NAALADL2: variants seen among roughly 807,000 people sequenced by gnomAD.
The protein encoded by NAALADL2 is inactive N-acetylated-alpha-linked acidic dipeptidase-like protein 2.
A neutral mutation model predicts 87.2 loss-of-function variants in NAALADL2; 76 were observed. The observed-to-expected ratio is 0.87, with a 90% CI of 0.72 to 1.05. The LOEUF is 1.05. Ranked by LOEUF, NAALADL2 falls within the 50% of genes least tolerant of loss-of-function variation. The probability of loss-of-function intolerance (pLI) is 0.00; values close to 1 mark genes in which losing one functional copy is unlikely to be tolerated. For synonymous variants in NAALADL2, 354 were observed against 331.0 expected (o/e 1.07, Z -0.75); for missense variants, 1,089 against 945.8 (o/e 1.15, Z -1.99).
intron 2 of NAALADL2, among the ~76,000 whole-genome samples, chr3:175,216,837 T>A (rs754461004): frequency 3.2e-4 from 49 of 151,858 alleles, no homozygotes; most frequent in Non-Finnish European, 7.4e-5. Context: ...CCCAGCTAAT[T>A]TTTGTATTTT....
chr3:175,169,658 TTGCATCCTGTCCGTGA>T (rs1734506451), intron 2 of NAALADL2, among the ~76,000 whole-genome samples: 1 of 151,774 alleles, frequency 6.6e-6, no homozygotes, highest in Non-Finnish European at 1.5e-5. Flanking sequence ...TTATTGCCTT[TTGCATCCTGTCCGTGA>T]TGCATCCCTT....
intron 2 of NAALADL2, among the ~76,000 whole-genome samples, chr3:174,730,478 T>C (rs1023336110): frequency 6.6e-6 from 1 of 152,126 alleles, no homozygotes; most frequent in Admixed American, 6.6e-5. Flanking sequence ...TCTATAGATA[T>C]ATGTCAAAAT....
chr3:175,556,088 A>G (rs1451006848), intron 9 of NAALADL2, among the ~76,000 whole-genome samples: 1 of 152,186 alleles, frequency 6.6e-6, no homozygotes, highest in Non-Finnish European at 1.5e-5. Flanking sequence ...TCACTTCAGC[A>G]TTTATTAATG....
intron 5 of NAALADL2, among the ~76,000 whole-genome samples, chr3:175,435,147 G>GA (rs1344790800): frequency 2.6e-5 from 4 of 151,868 alleles, no homozygotes; most frequent in Admixed American, 2.6e-4. Flanking sequence ...AATTTTCACT[G>GA]AAAATGACAA....
chr3:175,074,233 C>A (rs1194062102), intron 1 of NAALADL2, among the ~76,000 whole-genome samples: 5 of 152,028 alleles, frequency 3.3e-5, no homozygotes, highest in African/African-American at 1.2e-4. Context: ...AATTACTAAC[C>A]TTTGTTTAAC....
intron 4 of NAALADL2, among the ~76,000 whole-genome samples, chr3:175,302,158 T>C (rs1757162296): frequency 6.6e-6 from 1 of 152,202 alleles, no homozygotes; most frequent in Non-Finnish European, 1.5e-5. Flanking sequence ...TTAAGAGTCT[T>C]TCTGCTGAGC....
intron 2 of NAALADL2, among the ~76,000 whole-genome samples, chr3:175,132,621 A>C (rs937938041): frequency 5.9e-5 from 5 of 84,460 alleles, no homozygotes; most frequent in Non-Finnish European, 7.1e-5. Flanking sequence ...TGACCCCCCC[A>C]CCTCCCTCCC....
At chr3:174,890,714 A>G (rs1390727876) in intron 1 of NAALADL2, among the ~76,000 whole-genome samples, 1 of 152,186 alleles carries the variant, frequency 6.6e-6, no homozygotes, top group East Asian at 1.9e-4. Context: ...TCATTAACAT[A>G]TGCATAATAT....
intron 13 of NAALADL2, among the ~76,000 whole-genome samples, chr3:175,774,424 A>G (rs1279694678): frequency 6.6e-6 from 1 of 152,098 alleles, no homozygotes; most frequent in Non-Finnish European, 1.5e-5. Context: ...AAAGTTAAAC[A>G]AAAATTTTTT....
chr3:175,595,227 A>T (rs1560820865), intron 10 of NAALADL2, among the ~76,000 whole-genome samples: 1 of 152,066 alleles, frequency 6.6e-6, no homozygotes, highest in Non-Finnish European at 1.5e-5. Context: ...GTATCCAGTT[A>T]TTCCAGCATC....
intron 3 of NAALADL2, among the ~76,000 whole-genome samples, chr3:174,805,417 G>A (rs1332041854): frequency 1.3e-5 from 2 of 151,956 alleles, no homozygotes; most frequent in Admixed American, 6.6e-5. Context: ...GTAGCACATC[G>A]AAATATGAAT....
rs1293623977 is a variant in NAALADL2, at chr3:175,689,128, TAAAG to T, written c.1897-48174_1897-48171del. On this transcript the variant is annotated intron_variant, in intron 11 of 13. Transcript: ENST00000454872. The stretch of plus-strand genomic sequence containing the variant: ...TTAATATAAGTATATGTCAGGTAAT[TAAAG>T]AAAAGTGAAAAATGGCTTTTATTAG... 6.6e-5 allele frequency among the ~76,000 whole-genome samples: 10 copies of T among 152,258 alleles called. No homozygotes were observed. The South Asian group carries it at 1.2e-3, about 19-fold the overall frequency.
upstream of NAALADL2, among the ~76,000 whole-genome samples, chr3:174,857,671 G>A (rs1043257175): frequency 6.6e-6 from 1 of 151,750 alleles, no homozygotes; most frequent in African/African-American, 2.4e-5. Context: ...GTAGCATGGT[G>A]TGTATATATA....
chr3:175,416,811 CA>C (rs776849500), intron 5 of NAALADL2, among the ~76,000 whole-genome samples: 2 of 150,602 alleles, frequency 1.3e-5, no homozygotes, highest in Non-Finnish European at 3.0e-5. Flanking sequence ...GAGATGATTG[CA>C]AAAAAAAGTG....
chr3:175,007,150 TAAAAA>T (rs397877957), intron 1 of NAALADL2, among the ~76,000 whole-genome samples: 1 of 70,348 alleles, frequency 1.4e-5, no homozygotes, highest in Non-Finnish European at 3.7e-5. Flanking sequence ...TTTTATAGGA[TAAAAA>T]AAAAAAAAAA....
chr3:174,624,559 G>T (rs1294812675), intron 2 of NAALADL2, among the ~76,000 whole-genome samples: 1 of 151,640 alleles, frequency 6.6e-6, no homozygotes, highest in East Asian at 1.9e-4. Flanking sequence ...GGGAGGTGGA[G>T]GTTGCAGTGA....
intron 13 of NAALADL2, among the ~76,000 whole-genome samples, chr3:175,769,336 G>T (rs1004346469): frequency 1.3e-5 from 2 of 152,256 alleles, no homozygotes; most frequent in African/African-American, 4.8e-5. Flanking sequence ...AAATAAATAT[G>T]TAATCACAAA....
At chr3:175,281,596 A>C (rs1044010081) in intron 4 of NAALADL2, among the ~76,000 whole-genome samples, 2 of 151,978 alleles carry the variant, frequency 1.3e-5, no homozygotes, top group African/African-American at 4.8e-5. Flanking sequence ...TTTCAAGTTG[A>C]ACACCTATAT....
intron 1 of NAALADL2, among the ~76,000 whole-genome samples, chr3:174,470,641 G>A (rs911740710): frequency 1.3e-5 from 2 of 152,066 alleles, no homozygotes; most frequent in Admixed American, 1.3e-4. Flanking sequence ...TCCTTCCTCA[G>A]TTAGTTTTTG....
Sources: gnomAD v4.1 joint callset for allele counts (sites outside exome capture counted in the v4.1 genomes callset) on GRCh38, gnomAD v4.1.1 for gene constraint, MANE v1.5 for transcripts, NCBI Gene and HGNC (gene_info 2026-07-23, HGNC 2026-07-21) for gene names.